The following CRYBG3 variants were observed in gnomAD, a reference collection of about 807,000 sequenced individuals.
CRYBG3 encodes the protein crystallin beta-gamma domain containing 3.
A neutral mutation model predicts 244.2 loss-of-function variants in CRYBG3; 127 were observed. The ratio of observed to expected loss-of-function variants is 0.52; its 90% confidence interval spans 0.45 to 0.60. The LOEUF (loss-of-function observed/expected upper bound fraction) is 0.60, where lower values mean the gene tolerates loss of function less well. Ranked by LOEUF, CRYBG3 falls within the 20% of genes least tolerant of loss-of-function variation. The pLI is 0.00. For missense variants in CRYBG3, 3,325 were observed against 3,442.5 expected (o/e 0.97, Z 0.85); for synonymous variants, 1,132 against 1,195.8 (o/e 0.95, Z 1.10).
chr3:97,930,087 A>T (rs982612560), intron 17 of CRYBG3, among the ~76,000 whole-genome samples: 2 of 152,100 alleles, frequency 1.3e-5, no homozygotes, highest in Non-Finnish European at 2.9e-5. Context: ...TTACTTTCTC[A>T]TAATAGGCTT....
chr3:97,823,451 C>T (rs964354299), intron 1 of CRYBG3, among the ~76,000 whole-genome samples: 1 of 152,188 alleles, frequency 6.6e-6, no homozygotes, highest in Non-Finnish European at 1.5e-5. Context: ...TCGGTTTCCC[C>T]GCTTGTGAAA....
chr3:97,849,250 C>T (rs977364971), intron 2 of CRYBG3, among the ~76,000 whole-genome samples: 4 of 152,114 alleles, frequency 2.6e-5, no homozygotes, highest in African/African-American at 9.7e-5. Flanking sequence ...CATATAAAGT[C>T]TGGCTAAAAC....
intron 1 of CRYBG3, among the ~76,000 whole-genome samples, chr3:97,838,767 A>C (rs564015264): frequency 6.6e-6 from 1 of 152,132 alleles, no homozygotes; most frequent in African/African-American, 2.4e-5. Context: ...TTAAGAAAAT[A>C]ATATCTCTTA....
chr3:97,872,639 G>C lies in CRYBG3; in HGVS notation c.1445G>C (p.Ser482Thr). Residue 482 changes from serine (S) to threonine (T), a missense_variant, in exon 4 of 22, where the codon AGC becomes ACC. By Grantham distance (58) the Ser-to-Thr change is moderately conservative. Transcript: ENST00000389622. ...TGTTCTGACAAGCAAACCATAGATA[G>C]CTCATCAAAGCAAGCTGCCACTCAC... ...SECSDKQTIDSSSKQAATHTN... is the reference protein window; with the variant it reads ...SECSDKQTIDTSSKQAATHTN... 1 of 1,535,902 alleles carries C rather than the reference G, an allele frequency of 6.5e-7. No homozygotes were observed. The highest frequency in any genetic ancestry group is 8.7e-7 in the Non-Finnish European group (1 of 1,146,772).
intron 2 of CRYBG3, among the ~76,000 whole-genome samples, chr3:97,843,473 A>G (rs2038852054): frequency 6.6e-6 from 1 of 152,200 alleles, no homozygotes; most frequent in Non-Finnish European, 1.5e-5. Flanking sequence ...GGGAGTATAC[A>G]GAGTGGTGTT....
At chr3:97,833,986 C>T (rs1051074092) in intron 1 of CRYBG3, among the ~76,000 whole-genome samples, 2 of 151,984 alleles carry the variant, frequency 1.3e-5, no homozygotes, top group African/African-American at 2.4e-5. Context: ...TTTTAACAGC[C>T]AGTTTTCCTG....
At chr3:97,839,327 T>C (rs2038779879) in intron 1 of CRYBG3, among the ~76,000 whole-genome samples, 1 of 152,112 alleles carries the variant, frequency 6.6e-6, no homozygotes, top group Non-Finnish European at 1.5e-5. Context: ...TTATTTTATA[T>C]TTGTACTAAG....
chr3:97,827,650 A>G (rs965927519), intron 1 of CRYBG3, among the ~76,000 whole-genome samples: 2 of 152,198 alleles, frequency 1.3e-5, no homozygotes, highest in African/African-American at 2.4e-5. Flanking sequence ...TATTAAGGGT[A>G]CCCTTAATAC....
chr3:97,874,243 G>A lies in CRYBG3; in HGVS notation c.3049G>A (p.Glu1017Lys). 1.3e-6 allele frequency: 2 copies of A among 1,533,958 alleles called. No homozygotes were observed. Among genetic ancestry groups the A allele is most frequent in the Non-Finnish European group, 1.7e-6 (2 of 1,146,302 alleles). The change falls in exon 4 of 22, where the codon GAA becomes AAA. Residue 1017 changes from glutamate to lysine, a missense_variant. By Grantham distance (56) the Glu-to-Lys change is moderately conservative. Transcript: ENST00000389622. ...SPFLDSDSSL[E>K]KNSSASEDSS... ...TTTTCTGGATTCTGATTCCAGTTTG[G>A]AAAAAAATTCTTCTGCATCTGAGGA...
At chr3:97,831,637 A>T (rs147896108) in intron 1 of CRYBG3, among the ~76,000 whole-genome samples, 5 of 152,226 alleles carry the variant, frequency 3.3e-5, no homozygotes, top group Admixed American at 6.5e-5. Flanking sequence ...CATTCATGCA[A>T]TGTGTAATGA....
chr3:97,841,220 ATATG>A (rs2038809052), intron 1 of CRYBG3, among the ~76,000 whole-genome samples: 1 of 150,442 alleles, frequency 6.6e-6, no homozygotes, highest in Non-Finnish European at 1.5e-5. Flanking sequence ...GTATATATGT[ATATG>A]TATATATGTG....
chr3:97,921,955 G>T (rs544247493), intron 17 of CRYBG3, among the ~76,000 whole-genome samples: 1 of 152,204 alleles, frequency 6.6e-6, no homozygotes, highest in East Asian at 1.9e-4. Context: ...CTCCAAGGAG[G>T]CAAAACCAAA....
chr3:97,889,412 G>A (rs372100500), intron 10 of CRYBG3, 22 bp downstream of exon 10: 3 of 1,589,362 alleles, frequency 1.9e-6, no homozygotes, highest in Non-Finnish European at 1.7e-6. Flanking sequence ...ACTGATTTTT[G>A]TAGCAGGCTA....
intron 7 of CRYBG3, among the ~76,000 whole-genome samples, chr3:97,885,192 T>C (rs1378665467): frequency 6.6e-6 from 1 of 152,204 alleles, no homozygotes; most frequent in Non-Finnish European, 1.5e-5. Flanking sequence ...TAGATTATGC[T>C]TCTTTACTAT....
chr3:97,890,700 A>T (rs183509746), intron 10 of CRYBG3, among the ~76,000 whole-genome samples: 22 of 152,180 alleles, frequency 1.4e-4, no homozygotes, highest in African/African-American at 5.3e-4. Flanking sequence ...AGTCGTAAGG[A>T]AGCTATAACC....
At chr3:97,893,116 T>A in intron 11 of CRYBG3, 123 bp downstream of exon 11, 1 of 837,162 alleles carries the variant, frequency 1.2e-6, no homozygotes, top group Non-Finnish European at 1.9e-6. Flanking sequence ...TTCTGTAATA[T>A]GGAAAGTAAA....
chr3:97,867,847 CCT>C (rs1465107258), intron 3 of CRYBG3, among the ~76,000 whole-genome samples: 2 of 152,176 alleles, frequency 1.3e-5, no homozygotes, highest in Non-Finnish European at 2.9e-5. Context: ...TTCTCTTCCT[CCT>C]ATTGTTAAAT....
rs1202685405 is a variant in CRYBG3 at position 97,896,147 on chromosome 3, A to G, written c.7701+62A>G. On this transcript the variant is annotated intron_variant, in intron 12 of 21. Transcript: ENST00000389622. ...TAAAAAATCTGTTCACAAAAATTGGACATGACTCCTGATAGAACATGAGAT... is the reference window on the plus strand; with the variant it reads ...TAAAAAATCTGTTCACAAAAATTGGGCATGACTCCTGATAGAACATGAGAT... 2.7e-6 allele frequency: 4 copies of G among 1,469,536 alleles called. No homozygotes were observed. The East Asian group carries it at 9.2e-5, about 34-fold the overall frequency. 91.0% of individuals were successfully genotyped at this position (1,469,536 alleles called of 1,614,324 possible). A position where few individuals can be genotyped will look rare whatever the true frequency, so the allele number is the denominator to read the frequency against.
chr3:97,901,499 T>C (rs2039706386), intron 15 of CRYBG3, among the ~76,000 whole-genome samples: 1 of 152,172 alleles, frequency 6.6e-6, no homozygotes, highest in African/African-American at 2.4e-5. Flanking sequence ...ATTTTCTGAT[T>C]AGCTCAGGCC....
Sources: gnomAD v4.1 joint callset for allele counts (sites outside exome capture counted in the v4.1 genomes callset) on GRCh38, gnomAD v4.1.1 for gene constraint, MANE v1.5 for transcripts, NCBI Gene and HGNC (gene_info 2026-07-23, HGNC 2026-07-21) for gene names.